The following SLC52A3 variants were observed in gnomAD, a reference collection of about 807,000 sequenced individuals.
The protein encoded by SLC52A3 is solute carrier family 52 member 3.
SLC52A3 carries 20 observed loss-of-function variants against 29.5 expected under a neutral mutation model. That is an observed-to-expected ratio of 0.68 (90% CI 0.48 to 0.99). The LOEUF (loss-of-function observed/expected upper bound fraction) is 0.99, where lower values mean the gene tolerates loss of function less well. Ranked by LOEUF, SLC52A3 falls within the 50% of genes least tolerant of loss-of-function variation. The pLI, the probability that SLC52A3 is intolerant of heterozygous loss-of-function variation, is 0.00. For missense variants in SLC52A3, 548 were observed against 612.9 expected, an observed-to-expected ratio of 0.89 and a Z score of 1.12; for synonymous variants, 301 against 271.0, an observed-to-expected ratio of 1.11 and a Z score of -1.09.
intron 1 of SLC52A3, among the ~76,000 whole-genome samples, chr20:774,034 G>T (rs1320106009): frequency 6.6e-6 from 1 of 152,214 alleles, no homozygotes; most frequent in Non-Finnish European, 1.5e-5. Flanking sequence ...TTGAGCGCTG[G>T]TCTCTCCCAT....
rs956901902 is a variant in SLC52A3 at position 761,882 on chromosome 20, C to G, written c.1074-58G>C. 75 of 1,612,082 alleles carry G rather than the reference C, an allele frequency of 4.7e-5. No individual in the cohort carries two copies. The African/African-American group carries it at 9.3e-4, about 20-fold the overall frequency. ...AGAAGCCTGACCTCTGACCCCCCCG[C>G]CCCACTGGGCGGCATGTGGATGGCC... is the stretch of plus-strand genomic sequence containing the variant. On this transcript the variant is annotated intron_variant, in intron 3 of 4. Coordinates refer to ENST00000645534, the MANE Select transcript of SLC52A3 (RefSeq NM_033409.4).
upstream of SLC52A3, among the ~76,000 whole-genome samples, chr20:773,084 C>T (rs1986897406): frequency 1.3e-5 from 2 of 152,176 alleles, no homozygotes; most frequent in Non-Finnish European, 2.9e-5. Context: ...GAGCAAAAAG[C>T]TCCGTGAGTG....
intron 2 of SLC52A3, among the ~76,000 whole-genome samples, 163 bp from the exon 3 acceptor site, chr20:764,166 C>G (rs149674493): frequency 2.6e-5 from 4 of 152,286 alleles, no homozygotes; most frequent in African/African-American, 9.6e-5. Context: ...ATACTGACTG[C>G]CCACTGAGCA....
upstream of SLC52A3, among the ~76,000 whole-genome samples, chr20:769,508 A>G (rs914299540): frequency 3.3e-5 from 5 of 152,262 alleles, no homozygotes; most frequent in Non-Finnish European, 5.9e-5. Flanking sequence ...AACATGCACT[A>G]AAGTGCTAAA....
intron 1 of SLC52A3, among the ~76,000 whole-genome samples, chr20:773,822 T>C (rs1986923267): frequency 6.6e-6 from 1 of 152,124 alleles, no homozygotes; most frequent in African/African-American, 2.4e-5. Context: ...CCCAAGAAAG[T>C]GAAGAGAATT....
intron 1 of SLC52A3, among the ~76,000 whole-genome samples, chr20:766,823 A>G (rs1302463524): frequency 1.3e-5 from 2 of 152,272 alleles, no homozygotes; most frequent in African/African-American, 4.8e-5. Context: ...GTTTTTAAAA[A>G]TCAAGAACAA....
At position 765,163 on chromosome 20, in the gene SLC52A3, G is replaced by A; in HGVS notation, c.567+45C>T. ...AGCAGTTTTTCCCTCCCCTACATTT[G>A]TGATAAAGCCAAGTGCTGAGATGGC... On this transcript the variant is annotated intron_variant, in intron 2 of 4. Transcript: ENST00000645534. The surrounding 1 kb of genome is among the most constrained non-coding windows in gnomAD (Gnocchi z 6.6). 1 of 1,609,580 alleles carries A rather than the reference G, an allele frequency of 6.2e-7. No individual in the cohort carries two copies. The highest frequency in any genetic ancestry group is 8.5e-7 in the Non-Finnish European group (1 of 1,176,122).
chr20:763,469 G>A, intron 3 of SLC52A3, 29 bp downstream of exon 3: 1 of 1,613,450 alleles, frequency 6.2e-7, no homozygotes, highest in East Asian at 2.2e-5. Context: ...TCCCCCACTA[G>A]GATTCCCTAG....
Position 763,508 on chromosome 20 carries a change from G to A in SLC52A3, c.1063C>T (p.Leu355=), listed in dbSNP as rs760446202. 2 of 1,614,034 alleles carry A rather than the reference G, an allele frequency of 1.2e-6. No homozygotes were observed. Among genetic ancestry groups the A allele is most frequent in the East Asian group, 2.2e-5 (1 of 44,886 alleles). The change falls in exon 3 of 5, where the codon CTG becomes TTG. Residue 355 remains leucine (L), a synonymous_variant. Coordinates refer to ENST00000645534, the MANE Select transcript of SLC52A3 (RefSeq NM_033409.4). ...CAGATGAGGGCACACCTGTTAGGCA[G>A]GAACATGGAGACCAACGAGGCAAGA... The part of the protein sequence containing the change: ...NPLASLVSMF[L]PNRSLLFLGV...
At chr20:773,552 T>C (rs1340497360) in intron 1 of SLC52A3, among the ~76,000 whole-genome samples, 2 of 152,048 alleles carry the variant, frequency 1.3e-5, no homozygotes, top group African/African-American at 4.8e-5. Flanking sequence ...TGCTCACAGA[T>C]GGCCTCCCAA....
In SLC52A3 at chr20:761,218, G is replaced by A; in HGVS notation, c.1218C>T (p.Phe406=). 1.3e-6 allele frequency: 2 copies of A among 1,554,554 alleles called. No individual in the cohort carries two copies. The highest frequency in any genetic ancestry group is 1.7e-6 in the Non-Finnish European group (2 of 1,150,000). The change falls in exon 5 of 5, where the codon TTC becomes TTT. Residue 406 remains phenylalanine (F), a synonymous_variant. Coordinates refer to ENST00000645534, the MANE Select transcript of SLC52A3 (RefSeq NM_033409.4). ...CCTTGACGTAACTGAGGCAGCCGCT[G>A]AAAAGCACCCACGAGGCCACCTGCG... The part of the protein sequence containing the change: ...EVLIVASWVL[F]SGCLSYVKVM...
Position 763,785 on chromosome 20 carries a change from G to A in SLC52A3, c.786C>T (p.Leu262=), listed in dbSNP as rs1986574695. The part of the protein sequence containing the change: ...VEDLLNDQVT[L]HSIRPREEND... Reference sequence around the variant, plus strand: ...TCTCTTCCCGCGGCCGGATGGAGTGGAGGGTGACCTGGTCATTGAGGAGGT... The same window carrying A: ...TCTCTTCCCGCGGCCGGATGGAGTGAAGGGTGACCTGGTCATTGAGGAGGT... The change falls in exon 3 of 5, where the codon CTC becomes CTT. Residue 262 remains leucine, a synonymous_variant. Transcript: ENST00000645534. The A allele has an allele frequency of 6.2e-7, 1 of 1,614,172 alleles. No homozygotes were observed.
chr20:762,024 C>G (rs111640308), intron 3 of SLC52A3, among the ~76,000 whole-genome samples, 200 bp from the exon 4 acceptor site: 89 of 152,334 alleles, frequency 5.8e-4, no homozygotes, highest in African/African-American at 2.0e-3. Context: ...GCATTAACGG[C>G]AGGGCCTGGC....
At chr20:771,035 T>C (rs1412513110), upstream of SLC52A3, among the ~76,000 whole-genome samples, 2 of 152,240 alleles carry the variant, frequency 1.3e-5, no homozygotes, top group Non-Finnish European at 2.9e-5. Flanking sequence ...TTTGCCTGTG[T>C]TGAACTGTTT....
At chr20:771,580 G>A (rs1056132786), upstream of SLC52A3, among the ~76,000 whole-genome samples, 1 of 151,158 alleles carries the variant, frequency 6.6e-6, no homozygotes, top group Admixed American at 6.6e-5. Context: ...TGAAACTTAG[G>A]TCCTGTCCCA....
At chr20:764,423 G>A (rs1986602091) in intron 2 of SLC52A3, among the ~76,000 whole-genome samples, 1 of 152,232 alleles carries the variant, frequency 6.6e-6, no homozygotes, top group African/African-American at 2.4e-5. Context: ...AGACTGAGCA[G>A]TGGAGCCGCC....
Position 761,013 on chromosome 20 carries a change from G to T in SLC52A3, c.*13C>A, listed in dbSNP as rs768028308. The T allele has an allele frequency of 7.2e-5, 114 of 1,589,996 alleles. 2 individuals are homozygous for T. The Admixed American group carries it at 2.0e-3, about 28-fold the overall frequency. ...TCCGTCCGTGAGCGATGGGGGCGGG[G>T]TCGGCGGCCTGCCTAGGCTGGACAG... On this transcript the variant is annotated 3_prime_UTR_variant, in exon 5 of 5. Transcript: ENST00000645534.
chr20:760,974 C>T lies in SLC52A3; in HGVS notation c.*52G>A. 6.5e-7 allele frequency: 1 copy of T among 1,541,786 alleles called. No homozygotes were observed. On this transcript the variant is annotated 3_prime_UTR_variant, in exon 5 of 5. Transcript: ENST00000645534. This position sits in a 1 kb window ranked among gnomAD's most constrained non-coding sequence, Gnocchi z 4.9. Reference sequence around the variant, plus strand: ...TGCCCCTTGCTCTGTGACCTGGCCTCTCTGGACCCCAGTTCCGTCCGTGAG... The same window carrying T: ...TGCCCCTTGCTCTGTGACCTGGCCTTTCTGGACCCCAGTTCCGTCCGTGAG...
At chr20:761,612 G>C (rs746432629) in intron 4 of SLC52A3, 89 bp downstream of exon 4, 2 of 1,573,606 alleles carry the variant, frequency 1.3e-6, no homozygotes, top group Non-Finnish European at 1.7e-6. Context: ...GACCCCGCTC[G>C]CTGGAAAGGG....
Sources: gnomAD v4.1 joint callset for allele counts (sites outside exome capture counted in the v4.1 genomes callset) on GRCh38, gnomAD v4.1.1 for gene constraint, Gnocchi (gnomAD v3.1) non-coding constraint, MANE v1.5 for transcripts, NCBI Gene and HGNC (gene_info 2026-07-23, HGNC 2026-07-21) for gene names.